CERS6: variants seen among roughly 807,000 people sequenced by gnomAD.
CERS6 encodes ceramide synthase 6, also known as LAG1 homolog, ceramide synthase 6.
A neutral mutation model predicts 56.8 loss-of-function variants in CERS6; 26 were observed. The observed-to-expected ratio is 0.46, with a 90% CI of 0.34 to 0.63. The LOEUF (loss-of-function observed/expected upper bound fraction) is 0.63, where lower values mean the gene tolerates loss of function less well. Ranked by LOEUF, CERS6 falls within the 30% of genes least tolerant of loss-of-function variation. The pLI, the probability that CERS6 is intolerant of heterozygous loss-of-function variation, is 0.01. For missense variants in CERS6, 415 were observed against 467.5 expected (o/e 0.89, Z 1.04); for synonymous variants, 164 against 173.3 (o/e 0.95, Z 0.42).
intron 9 of CERS6, chr2:168,766,206 G>T: frequency 1.1e-6 from 1 of 911,800 alleles, no homozygotes; most frequent in South Asian, 1.4e-5. Context: ...AGGTTGATTC[G>T]AATAAAGCTT....
chr2:168,715,987 A>G (rs1167755350), intron 7 of CERS6, among the ~76,000 whole-genome samples: 1 of 152,042 alleles, frequency 6.6e-6, no homozygotes, highest in Non-Finnish European at 1.5e-5. Flanking sequence ...CCTTTGAAGC[A>G]TTTACTATAC....
At chr2:168,581,438 C>T (rs1176773868) in intron 3 of CERS6, among the ~76,000 whole-genome samples, 2 of 152,164 alleles carry the variant, frequency 1.3e-5, no homozygotes, top group Admixed American at 6.6e-5. Flanking sequence ...TTTAGATCCT[C>T]TCACTACCCT....
At position 168,763,666 on chromosome 2, in the gene CERS6, G is replaced by A. The variant is rs1684644863; in HGVS notation, c.846-1926G>A. On this transcript the variant is annotated intron_variant, in intron 8 of 9. Transcript: ENST00000305747. ...ATCTATTTGTCTTATGTTTTTATATGAGTGGTCTGTGTCTTAAATTCGAGA... is the reference window on the plus strand; with the variant it reads ...ATCTATTTGTCTTATGTTTTTATATAAGTGGTCTGTGTCTTAAATTCGAGA... Among the ~76,000 whole-genome samples the A allele has an allele frequency of 2.6e-5, 4 of 152,028 alleles. No individual in the cohort carries two copies. The South Asian group carries it at 6.2e-4, about 24-fold the overall frequency.
chr2:168,527,666 A>G (rs1047873637), intron 1 of CERS6, among the ~76,000 whole-genome samples: 2 of 152,126 alleles, frequency 1.3e-5, no homozygotes, highest in South Asian at 2.1e-4. Flanking sequence ...CGTTCTTCCC[A>G]TGGCAGAAGA....
At position 168,456,316 on chromosome 2, in the gene CERS6, G is replaced by C; in HGVS notation, c.-133G>C. 2.6e-6 allele frequency: 1 copy of C among 384,318 alleles called. No homozygotes were observed. Among genetic ancestry groups the C allele is most frequent in the Admixed American group, 5.7e-5 (1 of 17,448 alleles). 23.8% of individuals were successfully genotyped at this position (384,318 alleles called of 1,614,324 possible). A position where few individuals can be genotyped will look rare whatever the true frequency, so the allele number is the denominator to read the frequency against. On this transcript the variant is annotated 5_prime_UTR_variant, in exon 1 of 10. Coordinates refer to ENST00000305747, the MANE Select transcript of CERS6 (RefSeq NM_203463.3). The surrounding 1 kb of genome is among the most constrained non-coding windows in gnomAD (Gnocchi z 4.1). The stretch of plus-strand genomic sequence containing the variant: ...CGAGAGCAGCGGCCGCGGAGGAGGC[G>C]GCGGCGGCGGGCGGGAGCAGCGGCG...
chr2:168,581,384 C>G (rs1179543271), intron 3 of CERS6, among the ~76,000 whole-genome samples: 6 of 152,152 alleles, frequency 3.9e-5, no homozygotes, highest in Non-Finnish European at 1.5e-5. Context: ...TGCTGCTTCT[C>G]TACTCTCACT....
chr2:168,547,895 C>T (rs1158305157), intron 2 of CERS6, among the ~76,000 whole-genome samples, 194 bp downstream of exon 2: 3 of 152,160 alleles, frequency 2.0e-5, no homozygotes, highest in Non-Finnish European at 2.9e-5. Flanking sequence ...TGGTAGTTTA[C>T]GCTCAAGTTG....
At chr2:168,528,023 C>T (rs776779075) in intron 1 of CERS6, among the ~76,000 whole-genome samples, 1 of 151,992 alleles carries the variant, frequency 6.6e-6, no homozygotes, top group Non-Finnish European at 1.5e-5. Context: ...TGCCCAGCCT[C>T]CATGAGCCCT....
At chr2:168,692,000 C>T (rs1469514102) in intron 5 of CERS6, among the ~76,000 whole-genome samples, 1 of 152,134 alleles carries the variant, frequency 6.6e-6, no homozygotes, top group East Asian at 1.9e-4. Flanking sequence ...TTTGTTACAC[C>T]TAGTGTCATG....
At chr2:168,473,401 A>G (rs898655042) in intron 1 of CERS6, among the ~76,000 whole-genome samples, 12 of 152,170 alleles carry the variant, frequency 7.9e-5, no homozygotes, top group African/African-American at 2.9e-4. Context: ...GGGCACAACA[A>G]CATTCTTCCA....
chr2:168,746,807 A>ATT (rs1559078542), intron 8 of CERS6, among the ~76,000 whole-genome samples: 2 of 116,284 alleles, frequency 1.7e-5, no homozygotes, highest in Admixed American at 1.7e-4. Context: ...ATATATATAT[A>ATT]TATATATATA....
intron 3 of CERS6, among the ~76,000 whole-genome samples, chr2:168,616,489 A>T (rs1014648359): frequency 6.6e-6 from 1 of 152,224 alleles, no homozygotes; most frequent in South Asian, 2.1e-4. Flanking sequence ...CCTTCAAGAG[A>T]CTTACCTAAT....
intron 1 of CERS6, among the ~76,000 whole-genome samples, chr2:168,495,762 A>G (rs1485806366): frequency 6.6e-6 from 1 of 152,182 alleles, no homozygotes; most frequent in Non-Finnish European, 1.5e-5. Context: ...TTTCACATAT[A>G]GTGTCATATC....
intron 4 of CERS6, among the ~76,000 whole-genome samples, chr2:168,631,690 TATATTTAA>T (rs1435595062): frequency 3.4e-5 from 3 of 88,878 alleles, no homozygotes; most frequent in African/African-American, 8.2e-5. Context: ...TATATTTATA[TATATTTAA>T]TTTATATTTA....
chr2:168,718,072 G>T lies in CERS6; in HGVS notation c.845+94G>T, dbSNP rs140762852. The T allele has an allele frequency of 9.2e-5, 78 of 844,890 alleles. No individual in the cohort carries two copies. The East Asian group carries it at 1.7e-3, about 18-fold the overall frequency. 52.3% of individuals were successfully genotyped at this position (844,890 alleles called of 1,614,324 possible). A position where few individuals can be genotyped will look rare whatever the true frequency, so the allele number is the denominator to read the frequency against. ...TTGAATTTTACTGTAAGTATTTACAGGTTTAAATATATTGGGGGGGAGGGG... is the reference window on the plus strand; with the variant it reads ...TTGAATTTTACTGTAAGTATTTACATGTTTAAATATATTGGGGGGGAGGGG... On this transcript the variant is annotated intron_variant, in intron 8 of 9. Transcript: ENST00000305747.
At chr2:168,507,670 A>G (rs1273901874) in intron 1 of CERS6, among the ~76,000 whole-genome samples, 2 of 152,136 alleles carry the variant, frequency 1.3e-5, no homozygotes, top group East Asian at 1.9e-4. Context: ...TTTTGCCAAC[A>G]TCTTGTTCCT....
chr2:168,466,360 G>C (rs1460850847), intron 1 of CERS6, among the ~76,000 whole-genome samples: 1 of 152,138 alleles, frequency 6.6e-6, no homozygotes, highest in East Asian at 1.9e-4. Flanking sequence ...AGGATAATGA[G>C]ATAAAACTCT....
rs185739833 is a variant in CERS6, at chr2:168,551,524, G to A, written c.276+3823G>A. ...ATCTTTGAATAACCGTCTCACAGGCGTTCATGAGGGTTAAATAATCATGAA... is the reference window on the plus strand; with the variant it reads ...ATCTTTGAATAACCGTCTCACAGGCATTCATGAGGGTTAAATAATCATGAA... On this transcript the variant is annotated intron_variant, in intron 2 of 9. Coordinates refer to ENST00000305747, the MANE Select transcript of CERS6 (RefSeq NM_203463.3). Among the ~76,000 whole-genome samples, 7 of 152,110 alleles carry A rather than the reference G, an allele frequency of 4.6e-5. No individual in the cohort carries two copies. The South Asian group carries it at 1.0e-3, about 23-fold the overall frequency.
intron 1 of CERS6, among the ~76,000 whole-genome samples, chr2:168,505,382 C>CAAAAAAA (rs370477008): frequency 1.0e-5 from 1 of 96,366 alleles, no homozygotes; most frequent in Non-Finnish European, 2.0e-5. Flanking sequence ...ACCCTGTTTC[C>CAAAAAAA]AAAAAAAAAA....
Sources: allele counts gnomAD v4.1 joint callset (sites outside exome capture counted in the v4.1 genomes callset), GRCh38; gene constraint gnomAD v4.1.1; non-coding constraint Gnocchi (gnomAD v3.1); transcripts MANE v1.5; gene names NCBI Gene and HGNC (gene_info 2026-07-23, HGNC 2026-07-21).